Variants in KYAT1 observed in about 807,000 individuals in gnomAD.
KYAT1 encodes kynurenine aminotransferase 1, also known as kynurenine--oxoglutarate transaminase 1.
In KYAT1, 47 loss-of-function variants were observed where a neutral mutation model predicts 52.4. The ratio of observed to expected loss-of-function variants is 0.90; its 90% CI spans 0.71 to 1.14. KYAT1 has a LOEUF of 1.14. Among genes scored for constraint, KYAT1 ranks in the 50% most tolerant of loss-of-function variants. The pLI is 0.00. For synonymous variants in KYAT1, 212 were observed against 209.6 expected, an observed-to-expected ratio of 1.01 and a Z score of -0.10; for missense variants, 480 against 557.9, an observed-to-expected ratio of 0.86 and a Z score of 1.41.
At chr9:128,876,025 G>T (rs1451247849) in intron 1 of KYAT1, among the ~76,000 whole-genome samples, 1 of 152,154 alleles carries the variant, frequency 6.6e-6, no homozygotes, top group Non-Finnish European at 1.5e-5. Context: ...TGGTGACACT[G>T]GACAAAGTCC....
At chr9:128,835,171 C>T in intron 11 of KYAT1, 152 bp downstream of exon 11, 1 of 706,622 alleles carries the variant, frequency 1.4e-6, no homozygotes, top group Admixed American at 2.3e-5. Flanking sequence ...AAGAAACAGC[C>T]TCCTCATTCT....
At position 128,835,880 on chromosome 9, in the gene KYAT1, G is replaced by C; in HGVS notation, c.766-12C>G. 1 of 1,613,308 alleles carries C rather than the reference G, an allele frequency of 6.2e-7. No individual in the cohort carries two copies. The highest frequency in any genetic ancestry group is 8.5e-7 in the Non-Finnish European group (1 of 1,179,210). ...AGGACCCAGCCCACCTGCAGCAGGGGCGCAGGTAGGGGGAGAGGTCCTTCC... is the reference window on the plus strand; with the variant it reads ...AGGACCCAGCCCACCTGCAGCAGGGCCGCAGGTAGGGGGAGAGGTCCTTCC... On this transcript the variant is annotated splice_polypyrimidine_tract_variant and intron_variant, in intron 8 of 12. Coordinates refer to ENST00000302586, the MANE Select transcript of KYAT1 (RefSeq NM_004059.5).
intron 1 of KYAT1, among the ~76,000 whole-genome samples, chr9:128,852,946 T>A (rs547828321): frequency 6.6e-6 from 1 of 152,310 alleles, no homozygotes; most frequent in South Asian, 2.1e-4. Context: ...TTAGCCCCAC[T>A]CCAACTTTTG....
intron 1 of KYAT1, among the ~76,000 whole-genome samples, chr9:128,880,425 T>C (rs1838655717): frequency 6.6e-6 from 1 of 151,766 alleles, no homozygotes; most frequent in African/African-American, 2.4e-5. Flanking sequence ...AAATTCCAGC[T>C]TCTCCACTTC....
At chr9:128,864,874 GC>G (rs974293894) in intron 1 of KYAT1, among the ~76,000 whole-genome samples, 1 of 151,884 alleles carries the variant, frequency 6.6e-6, no homozygotes, top group Non-Finnish European at 1.5e-5. Flanking sequence ...CTCCCAAAGT[GC>G]TGGGATTAGA....
intron 1 of KYAT1, chr9:128,846,644 A>AGACCT: frequency 8.6e-7 from 1 of 1,165,802 alleles, no homozygotes; most frequent in Non-Finnish European, 1.2e-6. Context: ...GAAATTGGCC[A>AGACCT]GACCTGAGAG....
intron 3 of KYAT1, among the ~76,000 whole-genome samples, chr9:128,838,980 T>A (rs1224807644): frequency 1.9e-5 from 2 of 102,772 alleles, no homozygotes; most frequent in East Asian, 2.8e-4. Flanking sequence ...TTATTTATTT[T>A]GAGACAGGGT....
intron 1 of KYAT1, among the ~76,000 whole-genome samples, chr9:128,863,622 A>AG (rs1055789351): frequency 6.6e-6 from 1 of 152,070 alleles, no homozygotes; most frequent in Non-Finnish European, 1.5e-5. Context: ...AGAAGCCATA[A>AG]GGGGTTCTCA....
chr9:128,869,722 T>C (rs1434861750), intron 1 of KYAT1, among the ~76,000 whole-genome samples: 1 of 151,892 alleles, frequency 6.6e-6, no homozygotes, highest in East Asian at 1.9e-4. Context: ...GTGTGAGCCA[T>C]TGTGCCCAGC....
At chr9:128,878,486 A>C (rs1389962951) in intron 1 of KYAT1, among the ~76,000 whole-genome samples, 1 of 152,132 alleles carries the variant, frequency 6.6e-6, no homozygotes, top group African/African-American at 2.4e-5. Flanking sequence ...ATTAGTAACC[A>C]AGCAAAATGA....
At position 128,847,452 on chromosome 9, in the gene KYAT1, G is replaced by A. The variant is rs138949483; in HGVS notation, c.-6-2041C>T. Reference sequence around the variant, plus strand: ...ACTTACAGTCTGGTGCAAGAACCAAGTGAGTGGGGCTCCAGCCTTCCTTCC... The same window carrying A: ...ACTTACAGTCTGGTGCAAGAACCAAATGAGTGGGGCTCCAGCCTTCCTTCC... On this transcript the variant is annotated intron_variant, in intron 1 of 12. Coordinates refer to ENST00000302586, the MANE Select transcript of KYAT1 (RefSeq NM_004059.5). 8.8e-3 allele frequency: 13,585 copies of A among 1,535,734 alleles called. 151 individuals carry two copies. Among genetic ancestry groups the A allele is most frequent in the Admixed American group, 0.048 (2,429 of 50,990 alleles).
rs566242866 is a variant in KYAT1, at chr9:128,847,633, C to A, written c.-6-2222G>T. 8.4e-5 allele frequency: 52 copies of A among 619,912 alleles called. No homozygotes were observed. The Middle Eastern group carries it at 3.8e-3, about 45-fold the overall frequency. The allele number at this position is 619,912 out of a possible 1,614,324, so 38.4% of individuals were successfully genotyped here. ...CTCCGAGCTCAGGACTTGGGTCCCCCACACACAGCTCTAACAATAACAACA... is the reference window on the plus strand; with the variant it reads ...CTCCGAGCTCAGGACTTGGGTCCCCAACACACAGCTCTAACAATAACAACA... On this transcript the variant is annotated intron_variant, in intron 1 of 12. Transcript: ENST00000302586.
intron 1 of KYAT1, among the ~76,000 whole-genome samples, chr9:128,866,633 G>A (rs926872185): frequency 6.6e-6 from 1 of 151,354 alleles, no homozygotes; most frequent in Non-Finnish European, 1.5e-5. Flanking sequence ...ATAGTCGCCG[G>A]GCGCAGTGGC....
intron 1 of KYAT1, chr9:128,847,468 C>G: frequency 6.5e-7 from 1 of 1,535,990 alleles, no homozygotes; most frequent in Non-Finnish European, 8.7e-7. Flanking sequence ...GGGGCTCCAG[C>G]CTTCCTTCCC....
At chr9:128,840,967 T>C (rs1341071926) in intron 3 of KYAT1, among the ~76,000 whole-genome samples, 1 of 152,258 alleles carries the variant, frequency 6.6e-6, no homozygotes, top group East Asian at 1.9e-4. Context: ...ACAGGGATAT[T>C]TGCTGTGGCA....
chr9:128,870,139 A>C (rs1022957039), intron 1 of KYAT1, among the ~76,000 whole-genome samples: 3 of 152,330 alleles, frequency 2.0e-5, no homozygotes, highest in East Asian at 3.8e-4. Context: ...GTATATACCC[A>C]AAAGAACTGA....
intron 1 of KYAT1, among the ~76,000 whole-genome samples, chr9:128,876,493 C>A (rs1319884843): frequency 6.1e-5 from 9 of 147,544 alleles, no homozygotes; most frequent in Non-Finnish European, 1.3e-4. Context: ...TCTCAGCTAA[C>A]TGGAAGCTCC....
At chr9:128,833,922 A>G in intron 11 of KYAT1, 96 bp from the exon 12 acceptor site, 5 of 925,062 alleles carry the variant, frequency 5.4e-6, no homozygotes, top group Non-Finnish European at 6.8e-6. Context: ...CAGGCGGGGA[A>G]GGAGAGTTAG....
At chr9:128,851,450 A>C (rs1421864392) in intron 1 of KYAT1, among the ~76,000 whole-genome samples, 1 of 152,114 alleles carries the variant, frequency 6.6e-6, no homozygotes, top group Non-Finnish European at 1.5e-5. Flanking sequence ...GAAGAGGGGG[A>C]GTTAAAGCTT....
Sources: allele counts gnomAD v4.1 joint callset (sites outside exome capture counted in the v4.1 genomes callset), GRCh38; gene constraint gnomAD v4.1.1; transcripts MANE v1.5; gene names NCBI Gene and HGNC (gene_info 2026-07-23, HGNC 2026-07-21).